Variants in HS3ST5 observed in about 807,000 individuals in gnomAD.
HS3ST5 encodes heparan sulfate-glucosamine 3-sulfotransferase 5.
A neutral mutation model predicts 25.4 loss-of-function variants in HS3ST5; 10 were observed. That is an observed-to-expected ratio of 0.39 (90% CI 0.24 to 0.67). HS3ST5 has a LOEUF of 0.67. Ranked by LOEUF, HS3ST5 falls within the 30% of genes least tolerant of loss-of-function variation. The probability of loss-of-function intolerance (pLI) is 0.44; values close to 1 mark genes in which losing one functional copy is unlikely to be tolerated. For synonymous variants in HS3ST5, 170 were observed against 162.4 expected (o/e 1.05, Z -0.36); for missense variants, 324 against 420.7 (o/e 0.77, Z 2.01).
chr6:114,218,107 C>T (rs1417071907), intron 2 of HS3ST5, among the ~76,000 whole-genome samples: 4 of 152,100 alleles, frequency 2.6e-5, no homozygotes, highest in Non-Finnish European at 2.9e-5. Context: ...AAGTGATTTT[C>T]CTGCCTCAGC....
At chr6:114,340,243 A>G (rs908052935) in intron 1 of HS3ST5, among the ~76,000 whole-genome samples, 5 of 152,208 alleles carry the variant, frequency 3.3e-5, no homozygotes, top group African/African-American at 1.2e-4. Flanking sequence ...CCTAGAAACC[A>G]GGATCCCAGT....
intron 1 of HS3ST5, among the ~76,000 whole-genome samples, chr6:114,306,256 T>TATATATGTACACACAC (rs756494412): frequency 8.7e-6 from 1 of 115,420 alleles, no homozygotes; most frequent in Non-Finnish European, 2.0e-5. Flanking sequence ...TATATATATA[T>TATATATGTACACACAC]ACACACACAC....
chr6:114,099,777 G>A (rs1013271068), intron 3 of HS3ST5, among the ~76,000 whole-genome samples: 11 of 151,962 alleles, frequency 7.2e-5, no homozygotes, highest in East Asian at 3.8e-4. Context: ...TAATATTAGC[G>A]TCCATGCTTT....
intron 1 of HS3ST5, among the ~76,000 whole-genome samples, chr6:114,312,970 G>A (rs1337756369): frequency 3.2e-5 from 4 of 125,846 alleles, no homozygotes; most frequent in Admixed American, 2.9e-4. Flanking sequence ...GCTGCAATGA[G>A]CCATGATCAT....
chr6:114,307,358 G>GT (rs5879257), intron 1 of HS3ST5, among the ~76,000 whole-genome samples: 34,422 of 145,016 alleles, frequency 0.24, 3,946 homozygotes, highest in Admixed American at 0.28. Context: ...TATCCTTACT[G>GT]TTTTTTTTTT....
intron 1 of HS3ST5, among the ~76,000 whole-genome samples, chr6:114,302,027 C>A (rs1582800252): frequency 6.6e-6 from 1 of 152,206 alleles, no homozygotes; most frequent in Non-Finnish European, 1.5e-5. Context: ...CTCCAAGCTG[C>A]AAATCATACT....
chr6:114,313,812 G>A (rs137897625), intron 1 of HS3ST5, among the ~76,000 whole-genome samples: 14 of 152,266 alleles, frequency 9.2e-5, no homozygotes, highest in African/African-American at 2.9e-4. Context: ...ATTATGTATC[G>A]ATCGAGTAAT....
At chr6:114,323,514 A>C (rs1305641145) in intron 1 of HS3ST5, among the ~76,000 whole-genome samples, 1 of 152,112 alleles carries the variant, frequency 6.6e-6, no homozygotes, top group Non-Finnish European at 1.5e-5. Flanking sequence ...AAAGATAAGG[A>C]GTTCAAGTCC....
At chr6:114,133,650 T>C (rs1389798734) in intron 3 of HS3ST5, among the ~76,000 whole-genome samples, 1 of 152,206 alleles carries the variant, frequency 6.6e-6, no homozygotes, top group Admixed American at 6.5e-5. Context: ...AGACATTGTT[T>C]TAAGCACCAA....
chr6:114,062,374 C>T (rs1335841532), intron 4 of HS3ST5, among the ~76,000 whole-genome samples: 1 of 152,112 alleles, frequency 6.6e-6, no homozygotes, highest in Admixed American at 6.5e-5. Context: ...TCATAAATTT[C>T]AAAAGAAAGA....
chr6:114,175,438 A>C (rs188589431), intron 2 of HS3ST5, among the ~76,000 whole-genome samples: 2 of 152,246 alleles, frequency 1.3e-5, no homozygotes, highest in Admixed American at 1.3e-4. Flanking sequence ...GGTTCTTTGC[A>C]TCCAAAATTC....
chr6:114,219,900 T>C (rs1403324996), intron 2 of HS3ST5, among the ~76,000 whole-genome samples: 1 of 152,116 alleles, frequency 6.6e-6, no homozygotes. Flanking sequence ...GGTTGAATTA[T>C]TTATTTTTCT....
At chr6:114,155,975 A>T (rs1192023839) in intron 3 of HS3ST5, among the ~76,000 whole-genome samples, 1 of 152,224 alleles carries the variant, frequency 6.6e-6, no homozygotes, top group African/African-American at 2.4e-5. Context: ...CACCAGGAAA[A>T]AAACAAATCC....
At chr6:114,069,287 G>A (rs1454140768) in intron 3 of HS3ST5, among the ~76,000 whole-genome samples, 1 of 151,746 alleles carries the variant, frequency 6.6e-6, no homozygotes, top group Non-Finnish European at 1.5e-5. Flanking sequence ...TTGAACACTA[G>A]GCTCTGTGTT....
chr6:114,057,806 C>T lies in HS3ST5; in HGVS notation c.492G>A (p.Glu164=), dbSNP rs2282237. The T allele has an allele frequency of 0.28, 456,978 of 1,613,656 alleles. 66,932 individuals carry two copies. The highest frequency in any genetic ancestry group is 0.45 in the Admixed American group (27,196 of 59,990). The part of the protein sequence containing the change: ...EKSPAYFITE[E]VPERIYKMNS... ...TCATTTTGTAAATCCTTTCTGGAAC[C>T]TCCTCTGTGATAAAATATGCTGGGC... The change falls in exon 5 of 5, where the codon GAG becomes GAA. Residue 164 remains glutamate, a synonymous_variant. Coordinates refer to ENST00000312719, the MANE Select transcript of HS3ST5 (RefSeq NM_153612.4).
At chr6:114,317,576 A>C (rs1256909436) in intron 1 of HS3ST5, among the ~76,000 whole-genome samples, 12 of 152,162 alleles carry the variant, frequency 7.9e-5, no homozygotes, top group Non-Finnish European at 1.6e-4. Flanking sequence ...TTAATGAAAA[A>C]TACATTTCAT....
intron 3 of HS3ST5, among the ~76,000 whole-genome samples, chr6:114,140,395 G>A (rs1777843808): frequency 6.6e-6 from 1 of 152,184 alleles, no homozygotes; most frequent in Admixed American, 6.5e-5. Context: ...TTTAAACGGT[G>A]TATTAAATAA....
chr6:114,100,796 CAGTATATGGCTTCAAA>C (rs1775690984), intron 3 of HS3ST5, among the ~76,000 whole-genome samples: 1 of 152,146 alleles, frequency 6.6e-6, no homozygotes, highest in African/African-American at 2.4e-5. Flanking sequence ...AAAACATACA[CAGTATATGGCTTCAAA>C]AGCTGACACT....
intron 1 of HS3ST5, among the ~76,000 whole-genome samples, chr6:114,319,706 T>A (rs72956274): frequency 0.011 from 1,609 of 152,236 alleles, 7 homozygotes; most frequent in South Asian, 0.024. Flanking sequence ...AATATTCCAT[T>A]GTATGACTAT....
Sources: gnomAD v4.1 joint callset for allele counts (sites outside exome capture counted in the v4.1 genomes callset) on GRCh38, gnomAD v4.1.1 for gene constraint, MANE v1.5 for transcripts, NCBI Gene and HGNC (gene_info 2026-07-23, HGNC 2026-07-21) for gene names.